GPR158: variants seen among roughly 807,000 people sequenced by gnomAD.
GPR158 encodes the protein G protein-coupled receptor 158, also known as metabotropic glycine receptor.
Under a neutral mutation model 78.2 loss-of-function variants are expected in GPR158, and 30 were observed. The observed-to-expected ratio is 0.38, with a 90% CI of 0.29 to 0.52. The LOEUF (loss-of-function observed/expected upper bound fraction) is 0.52. Among genes scored for constraint, GPR158 ranks in the 20% least tolerant of loss-of-function variants. GPR158 has a pLI of 0.83. For synonymous variants in GPR158, 581 were observed against 591.1 expected (o/e 0.98, Z 0.25); for missense variants, 1,463 against 1,523.5 (o/e 0.96, Z 0.66).
At chr10:25,199,312 T>C (rs1281653356) in intron 1 of GPR158, among the ~76,000 whole-genome samples, 1 of 152,152 alleles carries the variant, frequency 6.6e-6, no homozygotes, top group Non-Finnish European at 1.5e-5. Flanking sequence ...CTCTCCCTTC[T>C]ACTCATCACT....
chr10:25,307,911 C>A (rs922809391), intron 2 of GPR158, among the ~76,000 whole-genome samples: 2 of 151,952 alleles, frequency 1.3e-5, no homozygotes, highest in African/African-American at 2.4e-5. Flanking sequence ...GGAAAAATTC[C>A]CAAAAGTGAG....
intron 5 of GPR158, among the ~76,000 whole-genome samples, chr10:25,539,760 T>G (rs1427224218): frequency 6.6e-6 from 1 of 152,172 alleles, no homozygotes; most frequent in Non-Finnish European, 1.5e-5. Context: ...ATCACAATTA[T>G]AGCCATTCTC....
intron 1 of GPR158, among the ~76,000 whole-genome samples, chr10:25,207,251 C>T (rs1339681278): frequency 1.3e-5 from 2 of 152,096 alleles, no homozygotes; most frequent in Admixed American, 6.5e-5. Flanking sequence ...GCTCAGGGCC[C>T]ATGGCAGATT....
At chr10:25,209,207 G>C (rs1317130194) in intron 1 of GPR158, among the ~76,000 whole-genome samples, 1 of 152,086 alleles carries the variant, frequency 6.6e-6, no homozygotes, top group Non-Finnish European at 1.5e-5. Context: ...AAATTGTATG[G>C]AATATGGTTT....
chr10:25,351,910 C>A (rs1855478555), intron 2 of GPR158, among the ~76,000 whole-genome samples: 1 of 151,786 alleles, frequency 6.6e-6, no homozygotes, highest in Admixed American at 6.6e-5. Context: ...CCACTCCAAC[C>A]CTCAGACAGG....
intron 5 of GPR158, among the ~76,000 whole-genome samples, chr10:25,467,350 C>A (rs1013620705): frequency 6.6e-6 from 1 of 152,122 alleles, no homozygotes; most frequent in Non-Finnish European, 1.5e-5. Flanking sequence ...TTAAAAGGTG[C>A]TAGCCACTCA....
intron 4 of GPR158, among the ~76,000 whole-genome samples, chr10:25,417,365 C>T (rs997020548): frequency 2.0e-5 from 3 of 152,094 alleles, no homozygotes; most frequent in Admixed American, 6.6e-5. Context: ...GTCTAGATCA[C>T]GGTTGGCCAG....
chr10:25,420,894 AGAGT>A (rs1439454318), intron 4 of GPR158, among the ~76,000 whole-genome samples: 1 of 152,204 alleles, frequency 6.6e-6, no homozygotes, highest in Non-Finnish European at 1.5e-5. Context: ...GAAATCAGAA[AGAGT>A]GAGGCCTCCA....
At chr10:25,253,056 G>A (rs867721002) in intron 2 of GPR158, among the ~76,000 whole-genome samples, 98 of 152,236 alleles carry the variant, frequency 6.4e-4, no homozygotes, top group African/African-American at 2.1e-3. Context: ...CGCAATATTC[G>A]GGTGGGAGTG....
chr10:25,527,484 C>CA (rs1325187629), intron 5 of GPR158, among the ~76,000 whole-genome samples: 13 of 151,896 alleles, frequency 8.6e-5, no homozygotes, highest in Non-Finnish European at 1.2e-4. Flanking sequence ...AATTTTTAAA[C>CA]AATTAGCGTG....
chr10:25,450,757 CTT>C (rs777622959), intron 4 of GPR158, among the ~76,000 whole-genome samples: 12 of 152,194 alleles, frequency 7.9e-5, no homozygotes, highest in Non-Finnish European at 1.6e-4. Context: ...GTAATAGGGA[CTT>C]TTAGTTAATT....
At chr10:25,373,983 T>C (rs1834040794) in intron 2 of GPR158, among the ~76,000 whole-genome samples, 2 of 151,776 alleles carry the variant, frequency 1.3e-5, no homozygotes, top group African/African-American at 4.8e-5. Flanking sequence ...TTAATGATTT[T>C]TTGTGTAATT....
intron 5 of GPR158, among the ~76,000 whole-genome samples, chr10:25,479,572 A>C (rs1161316140): frequency 6.6e-6 from 1 of 151,658 alleles, no homozygotes; most frequent in Non-Finnish European, 1.5e-5. Context: ...CTGTCACCTC[A>C]CCTGGCTAGT....
At chr10:25,418,704 G>A (rs1834700533) in intron 4 of GPR158, among the ~76,000 whole-genome samples, 1 of 67,742 alleles carries the variant, frequency 1.5e-5, no homozygotes, top group African/African-American at 4.6e-5. Flanking sequence ...TTTTCAGATG[G>A]AAATTTCAGA....
intron 2 of GPR158, among the ~76,000 whole-genome samples, chr10:25,344,965 T>C (rs976658184): frequency 6.6e-6 from 1 of 151,982 alleles, no homozygotes; most frequent in Admixed American, 6.6e-5. Context: ...ATCTCTTTTA[T>C]ATGGGCACTA....
chr10:25,361,022 GATC>G (rs1295995681), intron 2 of GPR158, among the ~76,000 whole-genome samples: 1 of 151,820 alleles, frequency 6.6e-6, no homozygotes, highest in Non-Finnish European at 1.5e-5. Flanking sequence ...TTGTGAAACA[GATC>G]TTCAGAACAT....
chr10:25,309,324 T>G (rs1588790497), intron 2 of GPR158, among the ~76,000 whole-genome samples: 1 of 152,304 alleles, frequency 6.6e-6, no homozygotes, highest in Non-Finnish European at 1.5e-5. Context: ...GAACATCTTT[T>G]CATGCACTTA....
At chr10:25,539,628 T>G (rs1428896655) in intron 5 of GPR158, among the ~76,000 whole-genome samples, 1 of 152,030 alleles carries the variant, frequency 6.6e-6, no homozygotes, top group Non-Finnish European at 1.5e-5. Context: ...CCAAATCTTG[T>G]ATATTTTATA....
intron 5 of GPR158, among the ~76,000 whole-genome samples, chr10:25,479,139 A>G (rs1835629257): frequency 6.6e-6 from 1 of 152,130 alleles, no homozygotes. Flanking sequence ...AGCATGATTT[A>G]TAATCGATGA....
Sources: allele counts gnomAD v4.1 joint callset (sites outside exome capture counted in the v4.1 genomes callset), GRCh38; gene constraint gnomAD v4.1.1; transcripts MANE v1.5; gene names NCBI Gene and HGNC (gene_info 2026-07-23, HGNC 2026-07-21).